Variants in RORA observed in about 807,000 individuals in gnomAD.
RORA encodes the protein nuclear receptor ROR-alpha.
A neutral mutation model predicts 69.5 loss-of-function variants in RORA; 7 were observed. The ratio of observed to expected loss-of-function variants is 0.10; its 90% confidence interval spans 0.06 to 0.19. The LOEUF (loss-of-function observed/expected upper bound fraction) is 0.19. Among genes scored for constraint, RORA ranks in the 10% least tolerant of loss-of-function variants. The pLI is 1.00. For missense variants in RORA, 457 were observed against 663.0 expected, an observed-to-expected ratio of 0.69 and a Z score of 3.41; for synonymous variants, 261 against 240.8, an observed-to-expected ratio of 1.08 and a Z score of -0.78.
chr15:61,174,657 G>T (rs1055062633), intron 1 of RORA, among the ~76,000 whole-genome samples: 8 of 152,158 alleles, frequency 5.3e-5, no homozygotes, highest in Non-Finnish European at 8.8e-5. Context: ...TACATGAAAT[G>T]GAGCAAATGA....
At chr15:60,876,321 G>A (rs868674429) in intron 1 of RORA, among the ~76,000 whole-genome samples, 2 of 149,896 alleles carry the variant, frequency 1.3e-5, no homozygotes, top group East Asian at 2.0e-4. Context: ...TGGGGGGGGG[G>A]GGGGGCGGCT....
At chr15:60,927,149 C>T (rs1290666446) in intron 1 of RORA, among the ~76,000 whole-genome samples, 1 of 152,228 alleles carries the variant, frequency 6.6e-6, no homozygotes, top group Non-Finnish European at 1.5e-5. Context: ...TAGTCACACA[C>T]ATCCTTCCCA....
intron 2 of RORA, among the ~76,000 whole-genome samples, chr15:60,616,004 A>G (rs976013096): frequency 3.3e-4 from 51 of 152,336 alleles, no homozygotes; most frequent in Admixed American, 5.9e-4. Context: ...AAAAAGTGCC[A>G]TTGCTCCAGG....
intron 1 of RORA, among the ~76,000 whole-genome samples, chr15:61,159,579 T>A (rs899485216): frequency 2.6e-5 from 4 of 152,208 alleles, no homozygotes; most frequent in Non-Finnish European, 5.9e-5. Context: ...ACGGAGGATA[T>A]TTTAGTTCAA....
intron 2 of RORA, among the ~76,000 whole-genome samples, chr15:60,556,184 G>C (rs1345093300): frequency 6.6e-6 from 1 of 152,102 alleles, no homozygotes; most frequent in Non-Finnish European, 1.5e-5. Flanking sequence ...TGAGTGTTTA[G>C]GAAAAAACGG....
Position 61,119,087 on chromosome 15 carries a change from G to GTT in RORA, c.166+109965_166+109966insAA, listed in dbSNP as rs898092285. Among the ~76,000 whole-genome samples, 15 of 134,250 alleles carry GTT rather than the reference G, an allele frequency of 1.1e-4. No homozygotes were observed. The East Asian group carries it at 1.5e-3, about 14-fold the overall frequency. 88.1% of individuals were successfully genotyped at this position (134,250 alleles called of 152,430 possible). ...GGAAGATGCAGTTAACAGAAGGGGG[G>GTT]GGGGGGCGCCATGGAGCAGTCGTGT... On this transcript the variant is annotated intron_variant, in intron 1 of 10. Coordinates refer to ENST00000335670, the MANE Select transcript of RORA (RefSeq NM_134261.3).
chr15:60,886,265 A>G (rs2073748736), intron 1 of RORA, among the ~76,000 whole-genome samples: 1 of 152,148 alleles, frequency 6.6e-6, no homozygotes, highest in Admixed American at 6.5e-5. Context: ...AAGAATTGAG[A>G]TGGTAAAAAT....
At chr15:60,697,775 T>C (rs1192348906) in intron 1 of RORA, among the ~76,000 whole-genome samples, 2 of 152,332 alleles carry the variant, frequency 1.3e-5, no homozygotes, top group Non-Finnish European at 1.5e-5. Flanking sequence ...ATTTTTGTTA[T>C]TTCAAAATCC....
intron 1 of RORA, among the ~76,000 whole-genome samples, chr15:60,828,019 A>G (rs1308094143): frequency 6.6e-6 from 1 of 152,238 alleles, no homozygotes; most frequent in African/African-American, 2.4e-5. Context: ...GAGAAAAACT[A>G]GTACCAACTA....
rs1262152339 is a variant in RORA at position 60,491,514 on chromosome 15, G to A, written c.*5941C>T. 1 of 151,784 alleles carries A rather than the reference G, an allele frequency of 6.6e-6. No homozygotes were observed. The highest frequency in any genetic ancestry group is 6.6e-5 in the Admixed American group (1 of 15,200). 9.4% of individuals were successfully genotyped at this position (151,784 alleles called of 1,614,324 possible). ...TGTTATGTTGCATCACTGACAAAAG[G>A]TTGTTTCTATTTGGATTGAATATTC... On this transcript the variant is annotated 3_prime_UTR_variant, in exon 11 of 11. Coordinates refer to ENST00000335670, the MANE Select transcript of RORA (RefSeq NM_134261.3).
chr15:60,934,195 C>A (rs1165479069), intron 1 of RORA, among the ~76,000 whole-genome samples: 1 of 152,240 alleles, frequency 6.6e-6, no homozygotes, highest in Non-Finnish European at 1.5e-5. Flanking sequence ...AACAAGGAGA[C>A]TGCTGCCTGC....
chr15:60,898,571 C>T (rs892246119), intron 1 of RORA, among the ~76,000 whole-genome samples: 5 of 151,764 alleles, frequency 3.3e-5, no homozygotes, highest in African/African-American at 1.2e-4. Flanking sequence ...TGGTGGTACA[C>T]ACCTATAGTC....
chr15:60,549,359 C>G (rs2067164299), intron 2 of RORA, among the ~76,000 whole-genome samples: 1 of 152,144 alleles, frequency 6.6e-6, no homozygotes, highest in South Asian at 2.1e-4. Context: ...TGTTATTTTT[C>G]CTCCCCCATT....
chr15:60,549,058 A>G (rs1410407971), intron 2 of RORA, among the ~76,000 whole-genome samples: 1 of 152,184 alleles, frequency 6.6e-6, no homozygotes, highest in Admixed American at 6.5e-5. Flanking sequence ...GGCATTCTCG[A>G]TATGTTCTAT....
At chr15:60,968,249 G>A (rs1211111693) in intron 1 of RORA, among the ~76,000 whole-genome samples, 4 of 152,188 alleles carry the variant, frequency 2.6e-5, no homozygotes, top group Non-Finnish European at 5.9e-5. Context: ...AGCTGACTCT[G>A]GAAGGGCACT....
At chr15:60,767,831 C>A (rs749871220) in intron 1 of RORA, among the ~76,000 whole-genome samples, 14 of 152,204 alleles carry the variant, frequency 9.2e-5, no homozygotes, top group Non-Finnish European at 1.8e-4. Context: ...TTGTCTAACA[C>A]TGGGGCTCCT....
chr15:60,785,243 C>T (rs1207156486), intron 1 of RORA, among the ~76,000 whole-genome samples: 1 of 152,164 alleles, frequency 6.6e-6, no homozygotes, highest in African/African-American at 2.4e-5. Flanking sequence ...CATCAGTGAG[C>T]ATCTTTCTAA....
intron 1 of RORA, among the ~76,000 whole-genome samples, chr15:60,818,241 A>G (rs956176420): frequency 3.9e-5 from 6 of 152,192 alleles, no homozygotes; most frequent in African/African-American, 1.4e-4. Context: ...AAAAACTGCA[A>G]TTACTTTTGT....
At position 60,488,669 on chromosome 15, in the gene RORA, T is replaced by C. The variant is rs1276707774; in HGVS notation, c.*8786A>G. ...TTCAATACTAGTTTTAGGATTCCCA[T>C]AAATGGCTTGCATTTTTAGTGTGGC... On this transcript the variant is annotated 3_prime_UTR_variant, in exon 11 of 11. Transcript: ENST00000335670. The C allele has an allele frequency of 6.6e-6, 1 of 152,234 alleles. No homozygotes were observed. 9.4% of individuals were successfully genotyped at this position (152,234 alleles called of 1,614,324 possible). A position where few individuals can be genotyped will look rare whatever the true frequency, so the allele number is the denominator to read the frequency against.
Sources: gnomAD v4.1 joint callset for allele counts (sites outside exome capture counted in the v4.1 genomes callset) on GRCh38, gnomAD v4.1.1 for gene constraint, MANE v1.5 for transcripts, NCBI Gene and HGNC (gene_info 2026-07-23, HGNC 2026-07-21) for gene names.